RAB27B: variants seen among roughly 807,000 people sequenced by gnomAD.
The protein encoded by RAB27B is RAB27B, member RAS oncogene family.
A neutral mutation model predicts 24.6 loss-of-function variants in RAB27B; 15 were observed. The observed-to-expected ratio is 0.61, with a 90% CI of 0.41 to 0.94. RAB27B has a LOEUF of 0.94. Ranked by LOEUF, RAB27B falls within the 40% of genes least tolerant of loss-of-function variation. The pLI is 0.00. For synonymous variants in RAB27B, 105 were observed against 92.5 expected (o/e 1.14, Z -0.78); for missense variants, 261 against 266.8 (o/e 0.98, Z 0.15).
chr18:54,863,824 A>G (rs1237286553), intron 1 of RAB27B, among the ~76,000 whole-genome samples: 5 of 152,182 alleles, frequency 3.3e-5, no homozygotes, highest in South Asian at 2.1e-4. Context: ...AGGTTTATCC[A>G]TATTGTTGTA....
intron 2 of RAB27B, among the ~76,000 whole-genome samples, chr18:54,797,960 T>A (rs1909477181): frequency 6.6e-6 from 1 of 152,250 alleles, no homozygotes; most frequent in Non-Finnish European, 1.5e-5. Context: ...AGTATTAGTG[T>A]CAGCTCTACC....
At chr18:54,822,411 G>A (rs969225616) in intron 2 of RAB27B, among the ~76,000 whole-genome samples, 4 of 152,140 alleles carry the variant, frequency 2.6e-5, no homozygotes, top group Non-Finnish European at 5.9e-5. Context: ...CAAAAACACT[G>A]GTTTTAGGTA....
chr18:54,803,140 G>A (rs942166614), intron 2 of RAB27B, among the ~76,000 whole-genome samples: 1 of 152,098 alleles, frequency 6.6e-6, no homozygotes, highest in Non-Finnish European at 1.5e-5. Flanking sequence ...AAAATAAATA[G>A]CATAGTTTCA....
chr18:54,840,782 T>C (rs987703118), intron 1 of RAB27B, among the ~76,000 whole-genome samples: 1 of 152,182 alleles, frequency 6.6e-6, no homozygotes, highest in Non-Finnish European at 1.5e-5. Flanking sequence ...TCACCAATAC[T>C]GTCAACAACA....
At chr18:54,836,774 A>T (rs1009866241) in intron 1 of RAB27B, among the ~76,000 whole-genome samples, 3 of 151,942 alleles carry the variant, frequency 2.0e-5, no homozygotes, top group Non-Finnish European at 4.4e-5. Context: ...GTAAACATGC[A>T]TTGTGCATAG....
intron 2 of RAB27B, among the ~76,000 whole-genome samples, chr18:54,794,869 C>T (rs1281524486): frequency 6.6e-6 from 1 of 152,174 alleles, no homozygotes; most frequent in African/African-American, 2.4e-5. Context: ...GACCAGCAAT[C>T]CTGTCATATG....
intron 2 of RAB27B, among the ~76,000 whole-genome samples, chr18:54,728,902 C>CT (rs1568044214): frequency 2.5e-5 from 1 of 40,576 alleles, no homozygotes; most frequent in African/African-American, 8.0e-5. Context: ...AAAAAAAAAC[C>CT]CAAAAAAAAA....
intron 2 of RAB27B, among the ~76,000 whole-genome samples, chr18:54,789,049 T>C (rs2070774465): frequency 1.3e-5 from 2 of 152,204 alleles, no homozygotes; most frequent in Admixed American, 1.3e-4. Flanking sequence ...CTAGGTATTG[T>C]GCCTGGTTAT....
chr18:54,850,357 T>TATATATATATATATATATATACACATAC (rs1264669719), intron 1 of RAB27B, among the ~76,000 whole-genome samples: 4 of 130,584 alleles, frequency 3.1e-5, no homozygotes, highest in African/African-American at 1.2e-4. Flanking sequence ...TATATATATA[T>TATATATATATATATATATATACACATAC]ATACATACAT....
intron 2 of RAB27B, among the ~76,000 whole-genome samples, chr18:54,775,394 C>T (rs1466771426): frequency 1.3e-5 from 2 of 152,176 alleles, no homozygotes; most frequent in Non-Finnish European, 2.9e-5. Flanking sequence ...TAAGTTTTGT[C>T]CTCTTGGCAT....
chr18:54,785,448 T>TG (rs1260849211), intron 2 of RAB27B, among the ~76,000 whole-genome samples: 3 of 147,844 alleles, frequency 2.0e-5, no homozygotes, highest in East Asian at 2.0e-4. Context: ...TTTTTTTTTT[T>TG]TTTTTTTTTT....
At chr18:54,775,834 T>C (rs1418003656) in intron 2 of RAB27B, among the ~76,000 whole-genome samples, 1 of 152,168 alleles carries the variant, frequency 6.6e-6, no homozygotes, top group African/African-American at 2.4e-5. Flanking sequence ...CGGTCACTCA[T>C]ATCAGCTCAT....
chr18:54,749,733 G>C (rs9945669), intron 2 of RAB27B, among the ~76,000 whole-genome samples: 77,818 of 152,042 alleles, frequency 0.51, 21,361 homozygotes, highest in Middle Eastern at 0.63. Flanking sequence ...CTTATCTTGA[G>C]ATAAGGAGAG....
At chr18:54,778,593 T>TC (rs1301545603) in intron 2 of RAB27B, among the ~76,000 whole-genome samples, 2 of 152,224 alleles carry the variant, frequency 1.3e-5, no homozygotes, top group African/African-American at 4.8e-5. Context: ...GATTCTGTCC[T>TC]CCTGGAGTAT....
At chr18:54,726,189 TA>T (rs1909531356) in intron 2 of RAB27B, among the ~76,000 whole-genome samples, 1 of 151,572 alleles carries the variant, frequency 6.6e-6, no homozygotes, top group African/African-American at 2.4e-5. Context: ...TCCCCCAAGT[TA>T]CTCAATAGCC....
chr18:54,762,591 A>G (rs1908226251), intron 2 of RAB27B, among the ~76,000 whole-genome samples: 1 of 152,090 alleles, frequency 6.6e-6, no homozygotes, highest in Non-Finnish European at 1.5e-5. Context: ...GACACTTGCT[A>G]TTTCCTCTCT....
At chr18:54,839,954 A>T (rs753923036) in intron 1 of RAB27B, among the ~76,000 whole-genome samples, 7 of 152,206 alleles carry the variant, frequency 4.6e-5, no homozygotes, top group Non-Finnish European at 8.8e-5. Context: ...TTGTCATGAC[A>T]CCTTATTAAG....
intron 2 of RAB27B, among the ~76,000 whole-genome samples, chr18:54,811,184 TACATAGAGA>T (rs1646361951): frequency 6.6e-6 from 1 of 152,100 alleles, no homozygotes; most frequent in South Asian, 2.1e-4. Flanking sequence ...AGAGGCACAC[TACATAGAGA>T]CTGTGAACTC....
At chr18:54,809,639 T>A (rs12457761) in intron 2 of RAB27B, among the ~76,000 whole-genome samples, 30,580 of 152,216 alleles carry the variant, frequency 0.2, 3,675 homozygotes, top group East Asian at 0.4. Flanking sequence ...CAAAACCAAG[T>A]GTTTGGAGGC....
Sources: gnomAD v4.1 joint callset for allele counts (sites outside exome capture counted in the v4.1 genomes callset) on GRCh38, gnomAD v4.1.1 for gene constraint, MANE v1.5 for transcripts, NCBI Gene and HGNC (gene_info 2026-07-23, HGNC 2026-07-21) for gene names.